PLEKHN1: variants seen among roughly 807,000 people sequenced by gnomAD.
The protein encoded by PLEKHN1 is pleckstrin homology domain-containing family N member 1.
In PLEKHN1, 68 loss-of-function variants were observed where a neutral mutation model predicts 72.8. The observed-to-expected ratio is 0.93, with a 90% CI of 0.77 to 1.14. The LOEUF (loss-of-function observed/expected upper bound fraction) is 1.14, where lower values mean the gene tolerates loss of function less well. Among genes scored for constraint, PLEKHN1 ranks in the 50% most tolerant of loss-of-function variants. PLEKHN1 has a pLI of 0.00. For synonymous variants in PLEKHN1, 454 were observed against 371.6 expected (o/e 1.22, Z -2.55); for missense variants, 1,015 against 840.5 (o/e 1.21, Z -2.57).
intron 2 of PLEKHN1, among the ~76,000 whole-genome samples, chr1:969,672 GCGTGTGTGTA>G (rs1486278124): frequency 6.6e-6 from 1 of 152,196 alleles, no homozygotes; most frequent in Non-Finnish European, 1.5e-5. Context: ...GCATATGTGT[GCGTGTGTGTA>G]CATGTGTGTA....
chr1:971,303 A>ACCCCCCCCCCC, intron 7 of PLEKHN1, 21 bp from the exon 8 acceptor site: 3 of 1,495,456 alleles, frequency 2.0e-6, no homozygotes, highest in Non-Finnish European at 2.7e-6. Context: ...TCATCGCCTG[A>ACCCCCCCCCCC]CCCCACCCCC....
At position 970,633 on chromosome 1, in the gene PLEKHN1, G is replaced by T. The variant is rs372631090; in HGVS notation, c.411+32G>T. The stretch of plus-strand genomic sequence containing the variant: ...CGGTGGGCAATGGGGTGGGGCCATG[G>T]CCGCCCTTCCCTCCATGGATCCCTG... On this transcript the variant is annotated intron_variant, in intron 4 of 15. Transcript: ENST00000379410. The surrounding 1 kb of genome is among the most constrained non-coding windows in gnomAD (Gnocchi z 4.2). The T allele has an allele frequency of 1.3e-5, 21 of 1,606,538 alleles. No individual in the cohort carries two copies. The highest frequency in any genetic ancestry group is 1.5e-5 in the Non-Finnish European group (18 of 1,175,926).
Position 973,197 on chromosome 1 carries a change from C to T in PLEKHN1, c.1164C>T (p.Asn388=), listed in dbSNP as rs549085646. ...TGTGGTCCCCACAGGACCAGGCCAA[C>T]TCTGACCGTGCCAGCATTGGCCGAC... is the stretch of plus-strand genomic sequence containing the variant. ...CSSQHTPDQA[N]SDRASIGRRR... Residue 388 remains asparagine, a synonymous_variant, in exon 12 of 16, where the codon AAC becomes AAT. Coordinates refer to ENST00000379410, the MANE Select transcript of PLEKHN1 (RefSeq NM_032129.3). 1.3e-6 allele frequency: 2 copies of T among 1,530,500 alleles called. No individual in the cohort carries two copies. The highest frequency in any genetic ancestry group is 2.5e-5 in the East Asian group (1 of 40,466). The allele number at this position is 1,530,500 out of a possible 1,614,324, so 94.8% of individuals were successfully genotyped here. A position where few individuals can be genotyped will look rare whatever the true frequency, so the allele number is the denominator to read the frequency against.
rs1260502046 is a variant in PLEKHN1 at position 966,811 on chromosome 1, C to T, written c.183+8C>T. 3.2e-6 allele frequency: 5 copies of T among 1,549,936 alleles called. No individual in the cohort carries two copies. The South Asian group carries it at 4.7e-5, about 15-fold the overall frequency. ...CACTACATCCCGGGCACGGTGAGCG[C>T]GGCGTGCACGGTGGCTGTGGTCTGG... On this transcript the variant is annotated splice_region_variant and intron_variant, in intron 2 of 15. Transcript: ENST00000379410.
At position 972,856 on chromosome 1, in the gene PLEKHN1, T is replaced by C; in HGVS notation, c.1003-5T>C. 6.5e-7 allele frequency: 1 copy of C among 1,543,864 alleles called. No homozygotes were observed. Among genetic ancestry groups the C allele is most frequent in the Non-Finnish European group, 8.8e-7 (1 of 1,142,696 alleles). The stretch of plus-strand genomic sequence containing the variant: ...CTCACTCACCCCCACTCACTGCCCA[T>C]CCAGGTTATGGGCAGTGGCCGAGGC... On this transcript the variant is annotated splice_polypyrimidine_tract_variant and splice_region_variant and intron_variant, in intron 10 of 15. Coordinates refer to ENST00000379410, the MANE Select transcript of PLEKHN1 (RefSeq NM_032129.3).
In PLEKHN1 at chr1:974,049, C is replaced by G. The variant is rs1447236904; in HGVS notation, c.1651C>G (p.Leu551Val). ...GGPQPPDAPQ[L>V]VSSAREGSPE... ...GCCGCAGCCCCCAGACGCCCCTCAG[C>G]TTGTGAGTAGCAGCCCCCACGCCCG... Residue 551 changes from leucine to valine, a missense_variant and splice_region_variant, in exon 14 of 16, where the codon CTT becomes GTT. Physicochemically the swap from Leu to Val is conservative, Grantham distance 32. Transcript: ENST00000379410. 1 of 1,580,248 alleles carries G rather than the reference C, an allele frequency of 6.3e-7. No homozygotes were observed. The highest frequency in any genetic ancestry group is 1.8e-5 in the Admixed American group (1 of 55,956).
intron 1 of PLEKHN1, 34 bp from the exon 2 acceptor site, chr1:966,670 G>A: frequency 1.3e-6 from 2 of 1,582,654 alleles, no homozygotes. Flanking sequence ...CCCGCTCCGG[G>A]GCCAAGCCAC....
chr1:973,197 C>G lies in PLEKHN1; in HGVS notation c.1164C>G (p.Asn388Lys). 6.5e-7 allele frequency: 1 copy of G among 1,530,500 alleles called. No individual in the cohort carries two copies. The highest frequency in any genetic ancestry group is 2.5e-5 in the East Asian group (1 of 40,466). The allele number at this position is 1,530,500 out of a possible 1,614,324, so 94.8% of individuals were successfully genotyped here. ...CSSQHTPDQA[N>K]SDRASIGRRR... is the part of the protein sequence containing the mutation. ...TGTGGTCCCCACAGGACCAGGCCAA[C>G]TCTGACCGTGCCAGCATTGGCCGAC... The change falls in exon 12 of 16, where the codon AAC (asparagine) becomes AAG (lysine). Residue 388 changes from asparagine to lysine, a missense_variant. By Grantham distance (94) the Asn-to-Lys change is moderately conservative. Coordinates refer to ENST00000379410, the MANE Select transcript of PLEKHN1 (RefSeq NM_032129.3).
Position 970,390 on chromosome 1 carries a change from C to T in PLEKHN1, c.297C>T (p.Tyr99=), listed in dbSNP as rs769532166. 4.0e-5 allele frequency: 64 copies of T among 1,613,480 alleles called. No homozygotes were observed. The highest frequency in any genetic ancestry group is 1.7e-4 in the Middle Eastern group (1 of 6,058). Residue 99 remains tyrosine, a synonymous_variant, in exon 3 of 16, where the codon TAC becomes TAT. Coordinates refer to ENST00000379410, the MANE Select transcript of PLEKHN1 (RefSeq NM_032129.3). This position sits in a 1 kb window ranked among gnomAD's most constrained non-coding sequence, Gnocchi z 4.2. ...GGAACCTGGGAAAAGTTGTGCATTA[C>T]GCCAAGGTCCAGCTGCGGTTCCAGC... ...PVRNLGKVVH[Y]AKVQLRFQHS...
At chr1:966,824 G>C in intron 2 of PLEKHN1, 21 bp downstream of exon 2, 1 of 1,543,110 alleles carries the variant, frequency 6.5e-7, no homozygotes, top group Non-Finnish European at 8.7e-7. Flanking sequence ...CGTGCACGGT[G>C]GCTGTGGTCT....
rs943938575 is a variant in PLEKHN1, at chr1:973,029, G to T, written c.1152+19G>T. 1.3e-6 allele frequency: 2 copies of T among 1,588,022 alleles called. No homozygotes were observed. Among genetic ancestry groups the T allele is most frequent in the Non-Finnish European group, 1.7e-6 (2 of 1,165,094 alleles). On this transcript the variant is annotated intron_variant, in intron 11 of 15. Transcript: ENST00000379410. ...CACACCGGTGAGCGCTTACGGGGTG[G>T]CAGACGAAAGTGGGGCAGAAGGCTG...
chr1:974,481 A>G lies in PLEKHN1; in HGVS notation c.1742A>G (p.Asp581Gly). The change falls in exon 16 of 16, where the codon GAC becomes GGC. Residue 581 changes from aspartate (D) to glycine (G), a missense_variant. Physicochemically the swap from Asp to Gly is moderately conservative, Grantham distance 94. Transcript: ENST00000379410. ...SPRRSRDPGYDHLWDETLSSS... is the reference protein window; with the variant it reads ...SPRRSRDPGYGHLWDETLSSS... The stretch of plus-strand genomic sequence containing the variant: ...AGGAGGAGCCGGGACCCCGGCTACG[A>G]CCACCTCTGGGACGAGACTTTGTCT... 6.2e-7 allele frequency: 1 copy of G among 1,612,658 alleles called. No homozygotes were observed. The highest frequency in any genetic ancestry group is 1.3e-5 in the African/African-American group (1 of 75,000).
At chr1:967,046 G>T (rs1242628265) in intron 2 of PLEKHN1, among the ~76,000 whole-genome samples, 1 of 152,214 alleles carries the variant, frequency 6.6e-6, no homozygotes, top group African/African-American at 2.4e-5. Context: ...GCGGGCCGCG[G>T]GCGGGGCCTC....
In PLEKHN1 at chr1:970,446, C is replaced by A. The variant is rs777813640; in HGVS notation, c.330+23C>A. The A allele has an allele frequency of 3.1e-6, 5 of 1,612,970 alleles. No individual in the cohort carries two copies. The highest frequency in any genetic ancestry group is 4.2e-6 in the Non-Finnish European group (5 of 1,179,924). ...CAGGTGGGGGCCGGGCTGGGTGGAGCACGCTAAGGGTGCAGCATCCCCATC... is the reference window on the plus strand; with the variant it reads ...CAGGTGGGGGCCGGGCTGGGTGGAGAACGCTAAGGGTGCAGCATCCCCATC... On this transcript the variant is annotated intron_variant, in intron 3 of 15. Coordinates refer to ENST00000379410, the MANE Select transcript of PLEKHN1 (RefSeq NM_032129.3). This position sits in a 1 kb window ranked among gnomAD's most constrained non-coding sequence, Gnocchi z 4.2.
Position 974,707 on chromosome 1 carries a change from C to G in PLEKHN1, c.*132C>G, listed in dbSNP as rs1643526079. The G allele has an allele frequency of 8.5e-7, 1 of 1,180,930 alleles. No homozygotes were observed. Among genetic ancestry groups the G allele is most frequent in the Admixed American group, 2.7e-5 (1 of 36,924 alleles). 73.2% of individuals were successfully genotyped at this position (1,180,930 alleles called of 1,614,324 possible). ...GGGGGAGTCTCTGGGGCCCTGAGTT[C>G]AGAGCCCGTCCCTCAGCTCCTGTTC... On this transcript the variant is annotated 3_prime_UTR_variant, in exon 16 of 16. Coordinates refer to ENST00000379410, the MANE Select transcript of PLEKHN1 (RefSeq NM_032129.3).
chr1:971,723 C>T (rs555005953), intron 8 of PLEKHN1, among the ~76,000 whole-genome samples: 2 of 152,340 alleles, frequency 1.3e-5, no homozygotes, highest in African/African-American at 4.8e-5. Context: ...TGCGTGTGTC[C>T]TCCAGGGCGG....
rs202005395 is a variant in PLEKHN1, at chr1:970,963, C to T, written c.569C>T (p.Ala190Val). The change falls in exon 6 of 16, where the codon GCC becomes GTC. Residue 190 changes from alanine (A) to valine (V), a missense_variant. By Grantham distance (64) the Ala-to-Val change is moderately conservative. Coordinates refer to ENST00000379410, the MANE Select transcript of PLEKHN1 (RefSeq NM_032129.3). This position sits in a 1 kb window ranked among gnomAD's most constrained non-coding sequence, Gnocchi z 4.2. ...CTTTACCACCTGGAGAAGCAGACGG[C>T]CCTCCTCGGGGGGCCGCGGCGCTGC... The part of the protein sequence containing the change: ...RWLYHLEKQT[A>V]LLGGPRRCHS... 1 of 1,607,632 alleles carries T rather than the reference C, an allele frequency of 6.2e-7. No individual in the cohort carries two copies. Among genetic ancestry groups the T allele is most frequent in the East Asian group, 2.2e-5 (1 of 44,710 alleles).
intron 2 of PLEKHN1, 99 bp downstream of exon 2, chr1:966,902 C>A (rs755809344): frequency 4.4e-5 from 58 of 1,327,572 alleles, no homozygotes; most frequent in Non-Finnish European, 5.4e-5. Context: ...CCCTCGCCCC[C>A]GGGGCGTTCA....
At chr1:969,847 C>T (rs530774245) in intron 2 of PLEKHN1, among the ~76,000 whole-genome samples, 7 of 151,630 alleles carry the variant, frequency 4.6e-5, no homozygotes, top group Non-Finnish European at 7.4e-5. Context: ...TGCATGTGCA[C>T]GTATCGGGTG....
Sources: allele counts gnomAD v4.1 joint callset (sites outside exome capture counted in the v4.1 genomes callset), GRCh38; gene constraint gnomAD v4.1.1; non-coding constraint Gnocchi (gnomAD v3.1); transcripts MANE v1.5; gene names NCBI Gene and HGNC (gene_info 2026-07-23, HGNC 2026-07-21).